The following FSTL5 variants were observed in gnomAD, a reference collection of about 807,000 sequenced individuals.
The protein encoded by FSTL5 is follistatin like 5.
A neutral mutation model predicts 89.1 loss-of-function variants in FSTL5; 62 were observed. That is an observed-to-expected ratio of 0.70 (90% confidence interval 0.57 to 0.86). The LOEUF (loss-of-function observed/expected upper bound fraction) is 0.86. FSTL5 is among the 40% of genes least tolerant of loss of function. The pLI, the probability that FSTL5 is intolerant of heterozygous loss-of-function variation, is 0.00. For synonymous variants in FSTL5, 383 were observed against 346.2 expected (o/e 1.11, Z -1.18); for missense variants, 1,057 against 1,001.6 (o/e 1.06, Z -0.75).
chr4:161,534,590 G>A (rs951494481), intron 10 of FSTL5, among the ~76,000 whole-genome samples: 3 of 151,896 alleles, frequency 2.0e-5, no homozygotes, highest in South Asian at 4.1e-4. Context: ...ACAAATGAAC[G>A]GAAAAGTATT....
intron 6 of FSTL5, among the ~76,000 whole-genome samples, chr4:161,714,966 A>T (rs980664731): frequency 4.6e-5 from 7 of 152,302 alleles, no homozygotes; most frequent in African/African-American, 1.7e-4. Context: ...TAAATTTTTT[A>T]AAGTTTTACT....
chr4:161,564,529 T>G (rs1201752962), intron 8 of FSTL5, among the ~76,000 whole-genome samples: 1 of 151,214 alleles, frequency 6.6e-6, no homozygotes, highest in Non-Finnish European at 1.5e-5. Context: ...AATTAATTTA[T>G]TAATTTTTAT....
chr4:161,774,130 C>A (rs1034754064), intron 5 of FSTL5, among the ~76,000 whole-genome samples: 1 of 152,006 alleles, frequency 6.6e-6, no homozygotes, highest in Non-Finnish European at 1.5e-5. Flanking sequence ...GGCATGGTGG[C>A]GGGTGCCTGT....
intron 4 of FSTL5, among the ~76,000 whole-genome samples, chr4:161,880,879 G>A (rs1272640344): frequency 6.6e-6 from 1 of 152,092 alleles, no homozygotes; most frequent in African/African-American, 2.4e-5. Flanking sequence ...TAGTTGCCAT[G>A]AGGCAGGAAT....
At chr4:162,073,184 T>A (rs960168663) in intron 2 of FSTL5, among the ~76,000 whole-genome samples, 1 of 151,754 alleles carries the variant, frequency 6.6e-6, no homozygotes, top group African/African-American at 2.4e-5. Flanking sequence ...CATATTAACA[T>A]CCCATTATCT....
intron 4 of FSTL5, among the ~76,000 whole-genome samples, chr4:161,863,662 T>C (rs1180274783): frequency 6.6e-6 from 1 of 152,214 alleles, no homozygotes; most frequent in Admixed American, 6.5e-5. Flanking sequence ...TCACTTGTAT[T>C]GGTTCCACAC....
intron 4 of FSTL5, among the ~76,000 whole-genome samples, chr4:161,882,306 T>C (rs1471598175): frequency 6.6e-6 from 1 of 152,096 alleles, no homozygotes; most frequent in Admixed American, 6.6e-5. Context: ...TGTTTCTCTT[T>C]AATTCAGGAT....
At chr4:161,672,329 T>C (rs1294277416) in intron 6 of FSTL5, among the ~76,000 whole-genome samples, 1 of 152,162 alleles carries the variant, frequency 6.6e-6, no homozygotes, top group Non-Finnish European at 1.5e-5. Flanking sequence ...CTTGACAGTT[T>C]ACGACCCAAG....
intron 8 of FSTL5, among the ~76,000 whole-genome samples, chr4:161,573,410 G>A (rs534483890): frequency 0.031 from 1,198 of 39,114 alleles, 19 homozygotes; most frequent in African/African-American, 0.083. Context: ...CTAAAACCCT[G>A]TCAAAAAAAA....
chr4:161,522,808 C>T lies in FSTL5; in HGVS notation c.1313-12384G>A, dbSNP rs564287234. The stretch of plus-strand genomic sequence containing the variant: ...CTGCTAATAAAAGTATAAGTGATTC[C>T]GAAATTATTTGAAGTTTAAAATATT... On this transcript the variant is annotated intron_variant, in intron 10 of 15. Coordinates refer to ENST00000306100, the MANE Select transcript of FSTL5 (RefSeq NM_020116.5). Among the ~76,000 whole-genome samples, 34 of 150,982 alleles carry T rather than the reference C, an allele frequency of 2.3e-4. 1 individual carries two copies. Among genetic ancestry groups the T allele is most frequent in the East Asian group, 1.2e-3 (6 of 5,142 alleles).
intron 13 of FSTL5, among the ~76,000 whole-genome samples, chr4:161,470,167 A>G (rs1422151466): frequency 6.6e-6 from 1 of 152,152 alleles, no homozygotes; most frequent in Non-Finnish European, 1.5e-5. Flanking sequence ...CATCTTAGAT[A>G]TCCTTGCCAA....
intron 3 of FSTL5, among the ~76,000 whole-genome samples, chr4:162,025,868 T>A (rs1196134578): frequency 6.6e-6 from 1 of 152,024 alleles, no homozygotes; most frequent in African/African-American, 2.4e-5. Context: ...AATTGCAAAC[T>A]TTTTTATATG....
At chr4:161,983,263 G>A (rs575576260) in intron 3 of FSTL5, among the ~76,000 whole-genome samples, 94 of 152,182 alleles carry the variant, frequency 6.2e-4, no homozygotes, top group African/African-American at 2.1e-3. Context: ...TTTCCTTTCC[G>A]TCTTTTATGA....
At chr4:162,103,139 T>C (rs1269781469) in intron 2 of FSTL5, among the ~76,000 whole-genome samples, 1 of 152,208 alleles carries the variant, frequency 6.6e-6, no homozygotes, top group Non-Finnish European at 1.5e-5. Context: ...TTGAGAATTT[T>C]AGAAGTCAGA....
intron 7 of FSTL5, among the ~76,000 whole-genome samples, chr4:161,620,327 C>T (rs377263818): frequency 2.6e-5 from 4 of 151,878 alleles, no homozygotes; most frequent in Admixed American, 1.3e-4. Context: ...TACCCTAAAA[C>T]GTAAAGTATA....
chr4:161,650,270 C>T (rs567381286), intron 7 of FSTL5, among the ~76,000 whole-genome samples: 2 of 152,068 alleles, frequency 1.3e-5, no homozygotes, highest in Non-Finnish European at 2.9e-5. Flanking sequence ...CATTATCATT[C>T]GTAGGAAAGT....
chr4:162,143,993 T>C (rs920159417), intron 1 of FSTL5, among the ~76,000 whole-genome samples: 4 of 152,144 alleles, frequency 2.6e-5, no homozygotes, highest in Admixed American at 6.5e-5. Flanking sequence ...GCTCAAGATA[T>C]TGAACCTCGC....
chr4:161,725,902 A>G (rs1395104761), intron 6 of FSTL5, among the ~76,000 whole-genome samples: 1 of 152,222 alleles, frequency 6.6e-6, no homozygotes, highest in Non-Finnish European at 1.5e-5. Flanking sequence ...TTTTGCTATT[A>G]CTTTTAACGA....
chr4:161,428,665 C>A (rs971898043), intron 15 of FSTL5, among the ~76,000 whole-genome samples: 1 of 151,982 alleles, frequency 6.6e-6, no homozygotes, highest in African/African-American at 2.4e-5. Context: ...GCAGTCTGGG[C>A]AAGACTCATC....
Sources: gnomAD v4.1 joint callset for allele counts (sites outside exome capture counted in the v4.1 genomes callset) on GRCh38, gnomAD v4.1.1 for gene constraint, MANE v1.5 for transcripts, NCBI Gene and HGNC (gene_info 2026-07-23, HGNC 2026-07-21) for gene names.